The following SULT1E1 variants were observed in gnomAD, a reference collection of about 807,000 sequenced individuals.
SULT1E1 encodes the protein sulfotransferase family 1E member 1.
SULT1E1 carries 36 observed loss-of-function variants against 33.6 expected under a neutral mutation model. The ratio of observed to expected loss-of-function variants is 1.07; its 90% CI spans 0.82 to 1.41. The LOEUF (loss-of-function observed/expected upper bound fraction) is 1.41, where lower values mean the gene tolerates loss of function less well. Ranked by LOEUF, SULT1E1 falls within the 40% of genes most tolerant of loss-of-function variation. The pLI, the probability that SULT1E1 is intolerant of heterozygous loss-of-function variation, is 0.00. For synonymous variants in SULT1E1, 121 were observed against 111.7 expected, an observed-to-expected ratio of 1.08 and a Z score of -0.53; for missense variants, 371 against 345.7, an observed-to-expected ratio of 1.07 and a Z score of -0.58.
downstream of SULT1E1, among the ~76,000 whole-genome samples, chr4:69,840,277 T>C (rs1720859086): frequency 1.3e-5 from 2 of 152,088 alleles, no homozygotes; most frequent in Non-Finnish European, 1.5e-5. Flanking sequence ...CATGGACTTT[T>C]CTCCAAAAAG....
chr4:69,842,016 A>C lies in SULT1E1; in HGVS notation c.863T>G (p.Leu288Arg). The C allele has an allele frequency of 1.2e-6, 2 of 1,607,230 alleles. No homozygotes were observed. The highest frequency in any genetic ancestry group is 3.3e-4 in the Middle Eastern group (2 of 6,046). The change falls in exon 8 of 8, where the codon CTG (leucine) becomes CGG (arginine). Residue 288 changes from leucine to arginine, a missense_variant. Leu to Arg is a moderately radical substitution (Grantham distance 102). Transcript: ENST00000226444. Reference protein sequence around the residue: ...HYEQQMKESTLKFRTEI With the variant: ...HYEQQMKESTRKFRTEI Reference sequence around the variant, plus strand: ...TTCTTAGATCTCAGTTCGAAACTTCAGTGTAGATTCCTTCATTTGCTGCTC... The same window carrying C: ...TTCTTAGATCTCAGTTCGAAACTTCCGTGTAGATTCCTTCATTTGCTGCTC...
chr4:69,822,126 T>A, the SULT1E1 span, among the ~76,000 whole-genome samples: 5 of 152,176 alleles, frequency 3.3e-5, no homozygotes, highest in Non-Finnish European at 7.4e-5. Flanking sequence ...TAATATCAAT[T>A]AGGTTTTATG....
intron 2 of SULT1E1, 67 bp downstream of exon 2, chr4:69,857,433 C>G: frequency 1.3e-6 from 2 of 1,530,064 alleles, no homozygotes. Context: ...ACATGAACAC[C>G]TTAATATTTA....
At chr4:69,854,469 ACCC>A (rs1330231896) in intron 3 of SULT1E1, among the ~76,000 whole-genome samples, 155 bp from the exon 4 acceptor site, 2 of 152,078 alleles carry the variant, frequency 1.3e-5, no homozygotes, top group Non-Finnish European at 2.9e-5. Context: ...GGGAATGGAC[ACCC>A]CATTTTCCAT....
Position 69,855,338 on chromosome 4 carries a change from T to C in SULT1E1, c.234A>G (p.Ile78Met). The change falls in exon 3 of 8, where the codon ATA becomes ATG. Residue 78 changes from isoleucine (I) to methionine (M), a missense_variant. Transcript: ENST00000226444. ...TTTCTTTTCTGCATTCCAGGAAAGG[T>C]ATTCGATTAAAAATTACATCTTCTT... ...KCKEDVIFNR[I>M]PFLECRKENL... 1.2e-6 allele frequency: 2 copies of C among 1,613,224 alleles called. No individual in the cohort carries two copies. Among genetic ancestry groups the C allele is most frequent in the Non-Finnish European group, 1.7e-6 (2 of 1,179,558 alleles).
intron 4 of SULT1E1, among the ~76,000 whole-genome samples, chr4:69,851,918 G>A (rs1314352896): frequency 1.3e-5 from 2 of 151,934 alleles, no homozygotes; most frequent in Admixed American, 6.6e-5. Flanking sequence ...GGTGGGAAGT[G>A]AACAATGAGA....
At chr4:69,848,291 T>C (rs1338273973) in intron 5 of SULT1E1, among the ~76,000 whole-genome samples, 4 of 151,830 alleles carry the variant, frequency 2.6e-5, no homozygotes, top group Non-Finnish European at 4.4e-5. Flanking sequence ...AGGAATGTTC[T>C]CGTAGGTACC....
At chr4:69,846,988 T>C (rs1342378851) in intron 6 of SULT1E1, among the ~76,000 whole-genome samples, 1 of 151,718 alleles carries the variant, frequency 6.6e-6, no homozygotes, top group African/African-American at 2.4e-5. Flanking sequence ...ATTATCACTG[T>C]ATCTTATATA....
chr4:69,853,888 G>T (rs1343418180), intron 4 of SULT1E1, among the ~76,000 whole-genome samples: 7 of 152,200 alleles, frequency 4.6e-5, no homozygotes, highest in African/African-American at 1.7e-4. Flanking sequence ...TTTACAATAT[G>T]CTAGGAATTA....
intron 1 of SULT1E1, among the ~76,000 whole-genome samples, 153 bp downstream of exon 1, chr4:69,859,896 T>C (rs1457862090): frequency 6.6e-6 from 1 of 152,154 alleles, no homozygotes; most frequent in African/African-American, 2.4e-5. Context: ...TTAAAAGGTT[T>C]TAAATGCTTC....
downstream of SULT1E1, among the ~76,000 whole-genome samples, chr4:69,839,680 G>C (rs967286018): frequency 2.0e-5 from 3 of 152,028 alleles, no homozygotes; most frequent in East Asian, 5.8e-4. Context: ...AGCTACATTG[G>C]CCACCCCTAT....
intron 4 of SULT1E1, among the ~76,000 whole-genome samples, chr4:69,852,803 G>A (rs1256729079): frequency 6.6e-6 from 1 of 152,102 alleles, no homozygotes; most frequent in African/African-American, 2.4e-5. Context: ...GCAGCTTTGT[G>A]AAGGCTTGGA....
At chr4:69,845,025 C>T (rs1026773212) in intron 6 of SULT1E1, among the ~76,000 whole-genome samples, 2 of 152,004 alleles carry the variant, frequency 1.3e-5, no homozygotes, top group Non-Finnish European at 2.9e-5. Flanking sequence ...TATTTATCAA[C>T]TTATTTAGGA....
At chr4:69,843,841 A>G (rs1362960484) in intron 7 of SULT1E1, among the ~76,000 whole-genome samples, 2 of 152,248 alleles carry the variant, frequency 1.3e-5, no homozygotes, top group Non-Finnish European at 2.9e-5. Flanking sequence ...TAGAACTTAA[A>G]GGAACTATAT....
the SULT1E1 span, among the ~76,000 whole-genome samples, chr4:69,822,178 T>C: frequency 2.6e-5 from 4 of 152,330 alleles, no homozygotes; most frequent in East Asian, 7.7e-4. Flanking sequence ...AATTCTGTTG[T>C]TGGTAGACAA....
At chr4:69,856,518 C>A (rs2110074041) in intron 2 of SULT1E1, among the ~76,000 whole-genome samples, 1 of 152,294 alleles carries the variant, frequency 6.6e-6, no homozygotes, top group Non-Finnish European at 1.5e-5. Context: ...TTACAAATGC[C>A]AGATGAATAA....
the SULT1E1 span, among the ~76,000 whole-genome samples, chr4:69,825,290 A>G: frequency 6.6e-6 from 1 of 152,080 alleles, no homozygotes. Flanking sequence ...CATCTGAAGG[A>G]ACAAACACAC....
At chr4:69,851,714 G>A (rs1469322061) in intron 4 of SULT1E1, among the ~76,000 whole-genome samples, 1 of 152,032 alleles carries the variant, frequency 6.6e-6, no homozygotes, top group Non-Finnish European at 1.5e-5. Flanking sequence ...GCAAAGACTT[G>A]GAACCAACCC....
At chr4:69,846,401 T>G (rs2110067211) in intron 6 of SULT1E1, among the ~76,000 whole-genome samples, 1 of 151,076 alleles carries the variant, frequency 6.6e-6, no homozygotes, top group African/African-American at 2.4e-5. Flanking sequence ...GGTATGAATC[T>G]CTAGACAACA....
Sources: allele counts gnomAD v4.1 joint callset (sites outside exome capture counted in the v4.1 genomes callset), GRCh38; gene constraint gnomAD v4.1.1; transcripts MANE v1.5; gene names NCBI Gene and HGNC (gene_info 2026-07-23, HGNC 2026-07-21).